Variants in MASTL observed in about 807,000 individuals in gnomAD.
The protein encoded by MASTL is serine/threonine-protein kinase greatwall.
A neutral mutation model predicts 82.5 loss-of-function variants in MASTL; 54 were observed. The ratio of observed to expected loss-of-function variants is 0.65; its 90% CI spans 0.53 to 0.82. The LOEUF is 0.82. Ranked by LOEUF, MASTL falls within the 40% of genes least tolerant of loss-of-function variation. The pLI, the probability that MASTL is intolerant of heterozygous loss-of-function variation, is 0.00. For synonymous variants in MASTL, 323 were observed against 368.9 expected, an observed-to-expected ratio of 0.88 and a Z score of 1.43; for missense variants, 950 against 1,047.8, an observed-to-expected ratio of 0.91 and a Z score of 1.29.
intron 4 of MASTL, among the ~76,000 whole-genome samples, chr10:27,164,221 T>C (rs1402355631): frequency 1.3e-5 from 2 of 152,214 alleles, no homozygotes; most frequent in Non-Finnish European, 2.9e-5. Context: ...CATAGCTTAC[T>C]GTAGCCTTGA....
intron 1 of MASTL, among the ~76,000 whole-genome samples, 179 bp downstream of exon 1, chr10:27,155,791 G>A (rs921029868): frequency 2.6e-5 from 4 of 152,156 alleles, no homozygotes; most frequent in African/African-American, 9.7e-5. Context: ...GTCGGGTCGG[G>A]TGTCTCGCCT....
chr10:27,178,231 A>T (rs1444097541), intron 9 of MASTL, among the ~76,000 whole-genome samples: 1 of 152,056 alleles, frequency 6.6e-6, no homozygotes, highest in African/African-American at 2.4e-5. Context: ...GTCTCCACTT[A>T]AAAAAAGGAT....
chr10:27,184,554 A>ATTTTTTTTTTTTTTTTTT (rs752147433), intron 11 of MASTL, among the ~76,000 whole-genome samples: 1 of 84,848 alleles, frequency 1.2e-5, no homozygotes, highest in Admixed American at 1.8e-4. Context: ...TATAAGAAGG[A>ATTTTTTTTTTTTTTTTTT]TTTTTTTTTT....
intron 9 of MASTL, among the ~76,000 whole-genome samples, chr10:27,179,507 A>T (rs1293706928): frequency 6.6e-6 from 1 of 152,220 alleles, no homozygotes; most frequent in Non-Finnish European, 1.5e-5. Context: ...CAGTGAGCAG[A>T]GATTGCACCA....
Position 27,170,305 on chromosome 10 carries a change from T to G in MASTL, c.1346T>G (p.Leu449Trp), listed in dbSNP as rs1318514623. The change falls in exon 8 of 12, where the codon TTG becomes TGG. Residue 449 changes from leucine (L) to tryptophan (W), a missense_variant. Physicochemically the swap from Leu to Trp is moderately conservative, Grantham distance 61 (BLOSUM62 -2). Coordinates refer to ENST00000375940, the MANE Select transcript of MASTL (RefSeq NM_001172303.3). Reference sequence around the variant, plus strand: ...AGAAGTTTAAAAAGAAATTTTGAGTTGGTTGACTCCAGTCCTTGTAAAAAA... The same window carrying G: ...AGAAGTTTAAAAAGAAATTTTGAGTGGGTTGACTCCAGTCCTTGTAAAAAA... The part of the protein sequence containing the change: ...GKRSLKRNFE[L>W]VDSSPCKKII... 5 of 1,613,830 alleles carry G rather than the reference T, an allele frequency of 3.1e-6. No homozygotes were observed. In the African/African-American group the frequency reaches 6.7e-5, roughly 22 times the overall value.
chr10:27,179,977 C>A (rs1217296949), intron 9 of MASTL, among the ~76,000 whole-genome samples: 2 of 152,130 alleles, frequency 1.3e-5, no homozygotes, highest in African/African-American at 4.8e-5. Context: ...AAAAAAATGG[C>A]TTTATCTTCT....
intron 9 of MASTL, among the ~76,000 whole-genome samples, chr10:27,174,221 G>C (rs191605433): frequency 6.6e-6 from 1 of 152,056 alleles, no homozygotes; most frequent in East Asian, 2.0e-4. Context: ...TGGGCATGGT[G>C]GTGCATGCCT....
At chr10:27,161,299 G>A (rs951325572) in intron 4 of MASTL, 117 bp downstream of exon 4, 2 of 649,450 alleles carry the variant, frequency 3.1e-6, no homozygotes, top group East Asian at 3.2e-5. Flanking sequence ...CCTGAGGTCA[G>A]GAGTTAGAGA....
intron 11 of MASTL, among the ~76,000 whole-genome samples, chr10:27,183,659 A>T (rs2058459254): frequency 6.6e-6 from 1 of 152,174 alleles, no homozygotes; most frequent in South Asian, 2.1e-4. Flanking sequence ...AATGAGCTTC[A>T]GAAATGTGTC....
At chr10:27,163,919 C>G (rs773267446) in intron 4 of MASTL, among the ~76,000 whole-genome samples, 10 of 145,020 alleles carry the variant, frequency 6.9e-5, no homozygotes, top group African/African-American at 2.5e-4. Flanking sequence ...CGTGAACCAC[C>G]GCGCCCAGCC....
At position 27,155,495 on chromosome 10, in the gene MASTL, G is replaced by A. The variant is rs1174877976; in HGVS notation, c.69G>A (p.Arg23=). ...GGAATEEGVN[R]IAVPKPPSIE... is the part of the protein sequence containing the mutation. ...CGGCGACTGAGGAGGGCGTGAATAGGATCGCAGTGCCAAAACCGCCCTCCA... is the reference window on the plus strand; with the variant it reads ...CGGCGACTGAGGAGGGCGTGAATAGAATCGCAGTGCCAAAACCGCCCTCCA... The change falls in exon 1 of 12, where the codon AGG becomes AGA. Residue 23 remains arginine (R), a synonymous_variant. Coordinates refer to ENST00000375940, the MANE Select transcript of MASTL (RefSeq NM_001172303.3). 1 of 1,614,064 alleles carries A rather than the reference G, an allele frequency of 6.2e-7. No homozygotes were observed. The highest frequency in any genetic ancestry group is 8.5e-7 in the Non-Finnish European group (1 of 1,180,024).
At chr10:27,154,525 G>A (rs2135924715), upstream of MASTL, 1 of 454,148 alleles carries the variant, frequency 2.2e-6, no homozygotes, top group African/African-American at 2.0e-5. Context: ...GTCTTTAGCT[G>A]TTTTTTAAGG....
At position 27,170,266 on chromosome 10, in the gene MASTL, A is replaced by G. The variant is rs2057882868; in HGVS notation, c.1307A>G (p.Glu436Gly). 1.2e-6 allele frequency: 2 copies of G among 1,614,116 alleles called. No individual in the cohort carries two copies. Among genetic ancestry groups the G allele is most frequent in the Non-Finnish European group, 1.7e-6 (2 of 1,179,984 alleles). The change falls in exon 8 of 12, where the codon GAG becomes GGG. Residue 436 changes from glutamate (E) to glycine (G), a missense_variant. Physicochemically the swap from Glu to Gly is moderately conservative, Grantham distance 98. Coordinates refer to ENST00000375940, the MANE Select transcript of MASTL (RefSeq NM_001172303.3). ...GTGGATTCTGGTGGGATATCTGAAGAGCACCTTGGGAAAAGAAGTTTAAAA... is the reference window on the plus strand; with the variant it reads ...GTGGATTCTGGTGGGATATCTGAAGGGCACCTTGGGAAAAGAAGTTTAAAA... ...WAVDSGGISE[E>G]HLGKRSLKRN...
At chr10:27,174,710 G>C (rs113632585) in intron 9 of MASTL, among the ~76,000 whole-genome samples, 3 of 152,184 alleles carry the variant, frequency 2.0e-5, no homozygotes, top group Non-Finnish European at 2.9e-5. Flanking sequence ...TTCTCCCTGT[G>C]TCTCTATCAT....
At chr10:27,158,489 G>A in intron 1 of MASTL, 60 bp from the exon 2 acceptor site, 1 of 1,363,480 alleles carries the variant, frequency 7.3e-7, no homozygotes, top group Non-Finnish European at 1.0e-6. Flanking sequence ...CTGGGCAAGA[G>A]AATGAGACTC....
At chr10:27,172,065 G>A (rs934065212) in intron 8 of MASTL, among the ~76,000 whole-genome samples, 3 of 151,862 alleles carry the variant, frequency 2.0e-5, no homozygotes, top group African/African-American at 7.3e-5. Flanking sequence ...TTGACCTTGT[G>A]ATCTGCCTGC....
At chr10:27,171,455 G>A (rs1057032290) in intron 8 of MASTL, among the ~76,000 whole-genome samples, 2 of 142,256 alleles carry the variant, frequency 1.4e-5, no homozygotes, top group African/African-American at 5.4e-5. Flanking sequence ...TTATTATTGA[G>A]ACAGTCTCGT....
chr10:27,162,107 A>G (rs1170846032), intron 4 of MASTL, among the ~76,000 whole-genome samples: 2 of 152,190 alleles, frequency 1.3e-5, no homozygotes, highest in African/African-American at 2.4e-5. Flanking sequence ...AAGCACACTA[A>G]TATTTTTCTG....
chr10:27,160,799 T>C lies in MASTL; in HGVS notation c.465-295T>C, dbSNP rs537512530. Among the ~76,000 whole-genome samples, 7 of 152,052 alleles carry C rather than the reference T, an allele frequency of 4.6e-5. No homozygotes were observed. In the South Asian group the frequency reaches 1.5e-3, roughly 32 times the overall value. On this transcript the variant is annotated intron_variant, in intron 3 of 11. Coordinates refer to ENST00000375940, the MANE Select transcript of MASTL (RefSeq NM_001172303.3). Reference sequence around the variant, plus strand: ...AAAGAAAGTAAATGTAAATTTGAACTGGCTTGAGGTTGATTTTATCTAATA... The same window carrying C: ...AAAGAAAGTAAATGTAAATTTGAACCGGCTTGAGGTTGATTTTATCTAATA...
Sources: allele counts gnomAD v4.1 joint callset (sites outside exome capture counted in the v4.1 genomes callset), GRCh38; gene constraint gnomAD v4.1.1; transcripts MANE v1.5; gene names NCBI Gene and HGNC (gene_info 2026-07-23, HGNC 2026-07-21).